Variants in SLC4A8 observed in about 807,000 individuals in gnomAD.
SLC4A8 encodes the protein electroneutral sodium bicarbonate exchanger 1.
In SLC4A8, 40 loss-of-function variants were observed where a neutral mutation model predicts 125.0. The observed-to-expected ratio is 0.32, with a 90% CI of 0.25 to 0.42. The LOEUF is 0.42. Among genes scored for constraint, SLC4A8 ranks in the 10% least tolerant of loss-of-function variants. The pLI, the probability that SLC4A8 is intolerant of heterozygous loss-of-function variation, is 1.00. For missense variants in SLC4A8, 863 were observed against 1,355.1 expected, an observed-to-expected ratio of 0.64 and a Z score of 5.70; for synonymous variants, 456 against 476.0, an observed-to-expected ratio of 0.96 and a Z score of 0.55.
chr12:51,491,294 A>G (rs1359675375), intron 19 of SLC4A8, among the ~76,000 whole-genome samples: 1 of 152,160 alleles, frequency 6.6e-6, no homozygotes, highest in Non-Finnish European at 1.5e-5. Flanking sequence ...GAGGGAATAG[A>G]TGAGAGAACT....
chr12:51,460,187 C>G, intron 8 of SLC4A8, 79 bp downstream of exon 8: 1 of 1,121,838 alleles, frequency 8.9e-7, no homozygotes, highest in Non-Finnish European at 1.4e-6. Context: ...CCACTTAATA[C>G]TGAAATTTAG....
Position 51,514,766 on chromosome 12 carries a change from A to G in SLC4A8, c.*7328A>G, listed in dbSNP as rs1292188339. 2.0e-5 allele frequency: 3 copies of G among 152,226 alleles called. No homozygotes were observed. The highest frequency in any genetic ancestry group is 2.0e-4 in the Admixed American group (3 of 15,286). The allele number at this position is 152,226 out of a possible 1,614,324, so 9.4% of individuals were successfully genotyped here. Reference sequence around the variant, plus strand: ...AGAATGGGCAGTTGAGTCAGTTAACATCTTTTCATCAGAAAGGAGGGTAAT... The same window carrying G: ...AGAATGGGCAGTTGAGTCAGTTAACGTCTTTTCATCAGAAAGGAGGGTAAT... On this transcript the variant is annotated 3_prime_UTR_variant, in exon 25 of 25. Coordinates refer to ENST00000453097, the MANE Select transcript of SLC4A8 (RefSeq NM_001039960.3).
At chr12:51,483,406 A>G (rs963339864) in intron 16 of SLC4A8, among the ~76,000 whole-genome samples, 5 of 151,168 alleles carry the variant, frequency 3.3e-5, no homozygotes, top group Non-Finnish European at 7.4e-5. Context: ...ATCAGGAGGA[A>G]ATGGTGGTTT....
upstream of SLC4A8, among the ~76,000 whole-genome samples, chr12:51,422,500 G>A (rs1282230894): frequency 6.6e-6 from 1 of 152,146 alleles, no homozygotes; most frequent in Non-Finnish European, 1.5e-5. Context: ...GACTGCAGGT[G>A]CATGCCACCA....
At chr12:51,480,589 A>G (rs1444086122) in intron 16 of SLC4A8, 1 of 985,788 alleles carries the variant, frequency 1.0e-6, no homozygotes, top group Non-Finnish European at 1.2e-6. Flanking sequence ...AATCCCAATG[A>G]ATGTATCTTT....
chr12:51,397,366 A>G lies in SLC4A8; in HGVS notation c.-112+5878A>G, dbSNP rs998332400. 6.6e-5 allele frequency among the ~76,000 whole-genome samples: 10 copies of G among 152,334 alleles called. No homozygotes were observed. In the East Asian group the frequency reaches 1.9e-3, roughly 29 times the overall value. On this transcript the variant is annotated intron_variant, in intron 1 of 24. Coordinates refer to the SLC4A8 transcript ENST00000358657. ...TATGACTAATGAGTTTGCTTGCCTT[A>G]AAGCCAGGAGCTTGTATTTTTCCTT...
chr12:51,499,853 G>A (rs1937772668), intron 22 of SLC4A8, among the ~76,000 whole-genome samples: 2 of 152,104 alleles, frequency 1.3e-5, no homozygotes, highest in South Asian at 4.1e-4. Context: ...GTCTTGAGGA[G>A]GAATGAGCTT....
chr12:51,440,871 C>T (rs1450000044), intron 2 of SLC4A8, 82 bp downstream of exon 2: 1 of 1,174,638 alleles, frequency 8.5e-7, no homozygotes, highest in African/African-American at 1.6e-5. Context: ...TGTCCTAACT[C>T]TCTCACTAGC....
intron 1 of SLC4A8, among the ~76,000 whole-genome samples, chr12:51,392,595 G>GAAA (rs1565744401): frequency 7.2e-6 from 1 of 139,022 alleles, no homozygotes; most frequent in Non-Finnish European, 1.6e-5. Flanking sequence ...AAGAAAAAAA[G>GAAA]AAAAGAAAAG....
At chr12:51,439,310 C>T (rs182265090) in intron 1 of SLC4A8, among the ~76,000 whole-genome samples, 1 of 152,150 alleles carries the variant, frequency 6.6e-6, no homozygotes, top group Non-Finnish European at 1.5e-5. Context: ...CCTGCCTTGG[C>T]CTCCCAAAGT....
chr12:51,431,329 C>T (rs1296821904), intron 1 of SLC4A8, among the ~76,000 whole-genome samples: 2 of 152,190 alleles, frequency 1.3e-5, no homozygotes, highest in African/African-American at 4.8e-5. Context: ...ACCTTAATTC[C>T]TCTTTGCCAT....
intron 5 of SLC4A8, among the ~76,000 whole-genome samples, chr12:51,456,313 T>C (rs189807810): frequency 6.6e-6 from 1 of 152,260 alleles, no homozygotes; most frequent in Non-Finnish European, 1.5e-5. Context: ...TACAGAAATA[T>C]GGCTCTTCAG....
intron 1 of SLC4A8, among the ~76,000 whole-genome samples, chr12:51,439,197 C>CA (rs916056890): frequency 6.6e-6 from 1 of 152,148 alleles, no homozygotes; most frequent in African/African-American, 2.4e-5. Flanking sequence ...GCTGGCACTA[C>CA]AGGCACGCAC....
chr12:51,416,216 T>TG (rs201861307), intron 1 of SLC4A8, among the ~76,000 whole-genome samples: 11,499 of 146,538 alleles, frequency 0.078, 532 homozygotes, highest in East Asian at 0.21. Flanking sequence ...CTTTTGTTTT[T>TG]TTTTTTTTTT....
chr12:51,507,512 G>A lies in SLC4A8; in HGVS notation c.*74G>A, dbSNP rs1938222591. Reference sequence around the variant, plus strand: ...GTTCTGGTTACAGAGAAAATGGCGAGTCTCTCAGAGAAGAAGCAAGACCAA... The same window carrying A: ...GTTCTGGTTACAGAGAAAATGGCGAATCTCTCAGAGAAGAAGCAAGACCAA... On this transcript the variant is annotated 3_prime_UTR_variant, in exon 25 of 25. Transcript: ENST00000453097. 1 of 1,114,224 alleles carries A rather than the reference G, an allele frequency of 9.0e-7. No individual in the cohort carries two copies. The highest frequency in any genetic ancestry group is 3.1e-5 in the South Asian group (1 of 32,406). The allele number at this position is 1,114,224 out of a possible 1,614,324, so 69.0% of individuals were successfully genotyped here.
intron 1 of SLC4A8, among the ~76,000 whole-genome samples, chr12:51,430,912 A>G (rs941901576): frequency 6.6e-6 from 1 of 152,250 alleles, no homozygotes; most frequent in African/African-American, 2.4e-5. Context: ...AATTTCTGCC[A>G]TAACAAAGTA....
At chr12:51,415,196 A>T (rs911531413) in intron 1 of SLC4A8, among the ~76,000 whole-genome samples, 2 of 152,160 alleles carry the variant, frequency 1.3e-5, no homozygotes, top group African/African-American at 4.8e-5. Context: ...AAAAAAGTCA[A>T]ATACCGCAAT....
At position 51,430,524 on chromosome 12, in the gene SLC4A8, G is replaced by A. The variant is rs112167116; in HGVS notation, c.48+5489G>A. The stretch of plus-strand genomic sequence containing the variant: ...CACACATACTAGGTATTCTTTCCAT[G>A]TGAGAGAATTGGGGAACCTGTGGGC... On this transcript the variant is annotated intron_variant, in intron 1 of 24. Coordinates refer to ENST00000453097, the MANE Select transcript of SLC4A8 (RefSeq NM_001039960.3). Among the ~76,000 whole-genome samples, 1,329 of 152,180 alleles carry A rather than the reference G, an allele frequency of 8.7e-3. 16 individuals are homozygous for A. The highest frequency in any genetic ancestry group is 0.03 in the African/African-American group (1,261 of 41,500).
intron 6 of SLC4A8, 65 bp downstream of exon 6, chr12:51,457,604 G>T: frequency 7.0e-7 from 1 of 1,435,834 alleles, no homozygotes; most frequent in South Asian, 1.3e-5. Flanking sequence ...TGGAGATGCT[G>T]ACTTACTAGG....
Sources: gnomAD v4.1 joint callset for allele counts (sites outside exome capture counted in the v4.1 genomes callset) on GRCh38, gnomAD v4.1.1 for gene constraint, MANE v1.5 for transcripts, NCBI Gene and HGNC (gene_info 2026-07-23, HGNC 2026-07-21) for gene names.